GABRR2: variants seen among roughly 807,000 people sequenced by gnomAD.
The protein encoded by GABRR2 is gamma-aminobutyric acid receptor subunit rho-2.
GABRR2 carries 36 observed loss-of-function variants against 47.0 expected under a neutral mutation model. The observed-to-expected ratio is 0.77, with a 90% CI of 0.59 to 1.01. The LOEUF (loss-of-function observed/expected upper bound fraction) is 1.01. Ranked by LOEUF, GABRR2 falls within the 50% of genes least tolerant of loss-of-function variation. GABRR2 has a pLI of 0.00. For missense variants in GABRR2, 587 were observed against 594.6 expected (o/e 0.99, Z 0.13); for synonymous variants, 204 against 227.5 (o/e 0.90, Z 0.93).
intron 6 of GABRR2, among the ~76,000 whole-genome samples, chr6:89,266,765 A>G (rs1057257596): frequency 1.2e-4 from 18 of 152,182 alleles, no homozygotes; most frequent in Non-Finnish European, 1.5e-5. Context: ...CCATTACACA[A>G]TAACTCTCCA....
At chr6:89,275,458 G>A (rs935399806) in intron 2 of GABRR2, among the ~76,000 whole-genome samples, 10 of 152,120 alleles carry the variant, frequency 6.6e-5, no homozygotes, top group Admixed American at 1.3e-4. Flanking sequence ...AGTTTTAGTA[G>A]AGATGGAGTT....
intron 8 of GABRR2, among the ~76,000 whole-genome samples, chr6:89,261,608 A>C (rs1461971221): frequency 1.3e-5 from 2 of 152,242 alleles, no homozygotes; most frequent in African/African-American, 4.8e-5. Context: ...AATTACAAAC[A>C]GTACCTAAGG....
chr6:89,299,987 G>T lies in GABRR2; in HGVS notation c.114-122C>A, dbSNP rs1774638783. The T allele has an allele frequency of 7.6e-6, 5 of 660,046 alleles. No individual in the cohort carries two copies. In the South Asian group the frequency reaches 8.7e-5, roughly 12 times the overall value. 40.9% of individuals were successfully genotyped at this position (660,046 alleles called of 1,614,324 possible). On this transcript the variant is annotated intron_variant, in intron 1 of 8. Transcript: ENST00000402938. ...TACCTTTTCTCCATTCTACTTCTTGGCCCAGGGGAGAAGGAGGGCTGAAGG... is the reference window on the plus strand; with the variant it reads ...TACCTTTTCTCCATTCTACTTCTTGTCCCAGGGGAGAAGGAGGGCTGAAGG...
intron 8 of GABRR2, among the ~76,000 whole-genome samples, chr6:89,262,595 A>G (rs553993168): frequency 6.6e-6 from 1 of 152,322 alleles, no homozygotes; most frequent in South Asian, 2.1e-4. Context: ...ATGTGGAAAT[A>G]CTTGATAGGT....
At position 89,254,978 on chromosome 6, in the gene GABRR2, C is replaced by T. The variant is rs1773572606; in HGVS notation, c.*2692G>A. On this transcript the variant is annotated 3_prime_UTR_variant, in exon 9 of 9. Transcript: ENST00000402938. ...ATAAATATTTGTTTTAATTTGTGAA[C>T]AGGCAACTATGTTATATGAGCCATA... Among the ~76,000 whole-genome samples the T allele has an allele frequency of 6.6e-6, 1 of 152,128 alleles. No individual in the cohort carries two copies. The highest frequency in any genetic ancestry group is 2.1e-4 in the South Asian group (1 of 4,826).
chr6:89,297,809 C>T lies in GABRR2; in HGVS notation c.220+1950G>A, dbSNP rs370747655. Among the ~76,000 whole-genome samples the T allele has an allele frequency of 7.6e-4, 115 of 152,114 alleles. 2 individuals are homozygous for T. The highest frequency in any genetic ancestry group is 2.6e-3 in the African/African-American group (108 of 41,492). ...CAGAGGTTGCAGTGAGCTGAGATTG[C>T]GCCTCTGCACTCCAGCCTAGGTGAC... is the stretch of plus-strand genomic sequence containing the variant. On this transcript the variant is annotated intron_variant, in intron 2 of 8. Coordinates refer to ENST00000402938, the MANE Select transcript of GABRR2 (RefSeq NM_002043.5).
At chr6:89,306,236 G>C (rs553891288) in intron 1 of GABRR2, among the ~76,000 whole-genome samples, 2 of 152,016 alleles carry the variant, frequency 1.3e-5, no homozygotes, top group Admixed American at 6.6e-5. Context: ...TAATAACCAA[G>C]TGTGATGGCA....
intron 1 of GABRR2, among the ~76,000 whole-genome samples, chr6:89,307,984 T>G (rs1286853293): frequency 6.6e-6 from 1 of 151,958 alleles, no homozygotes; most frequent in Non-Finnish European, 1.5e-5. Flanking sequence ...ACCCAGCTAA[T>G]TTTTGTATTT....
At chr6:89,298,193 T>C (rs1444634800) in intron 2 of GABRR2, among the ~76,000 whole-genome samples, 3 of 152,186 alleles carry the variant, frequency 2.0e-5, no homozygotes, top group Admixed American at 1.3e-4. Context: ...ATCTGCCACC[T>C]GCTTTTCTCC....
At chr6:89,286,617 T>C (rs58467611) in intron 2 of GABRR2, among the ~76,000 whole-genome samples, 1,901 of 150,150 alleles carry the variant, frequency 0.013, 28 homozygotes, top group African/African-American at 0.039. Context: ...GACCCAGCCC[T>C]GCCCCACTGC....
intron 2 of GABRR2, among the ~76,000 whole-genome samples, chr6:89,297,403 C>G (rs202165089): frequency 1.3e-5 from 2 of 152,156 alleles, no homozygotes; most frequent in Middle Eastern, 3.2e-3. Flanking sequence ...CTCAGCTGAC[C>G]TGGGACATTT....
At chr6:89,259,163 G>T (rs903568659) in intron 8 of GABRR2, among the ~76,000 whole-genome samples, 1 of 152,050 alleles carries the variant, frequency 6.6e-6, no homozygotes, top group African/African-American at 2.4e-5. Context: ...CTGAGAGCAG[G>T]AGGCCCACTT....
rs1217528381 is a variant in GABRR2 at position 89,271,726 on chromosome 6, C to A, written c.221-4G>T. The A allele has an allele frequency of 6.2e-7, 1 of 1,610,396 alleles. No individual in the cohort carries two copies. Among genetic ancestry groups the A allele is most frequent in the Non-Finnish European group, 8.5e-7 (1 of 1,178,346 alleles). On this transcript the variant is annotated splice_polypyrimidine_tract_variant and splice_region_variant and intron_variant, in intron 2 of 8. Transcript: ENST00000402938. ...ACGCCCACCGGGATGGCAGGGCCTG[C>A]AGAAGAGCAGAGACAGCTGGTTAAG...
intron 8 of GABRR2, among the ~76,000 whole-genome samples, chr6:89,262,785 T>C (rs997366829): frequency 6.6e-6 from 1 of 152,246 alleles, no homozygotes; most frequent in African/African-American, 2.4e-5. Context: ...GAGATTTTCA[T>C]GTCCCTTTAT....
chr6:89,268,911 C>A, intron 4 of GABRR2, 100 bp downstream of exon 4: 1 of 1,053,048 alleles, frequency 9.5e-7, no homozygotes, highest in South Asian at 1.4e-5. Flanking sequence ...ATCCACGAAC[C>A]CACAGACCCA....
chr6:89,301,939 G>C lies in GABRR2; in HGVS notation c.114-2074C>G, dbSNP rs904730454. 181 of 985,432 alleles carry C rather than the reference G, an allele frequency of 1.8e-4. No homozygotes were observed. In the African/African-American group the frequency reaches 2.5e-3, roughly 14 times the overall value. The allele number at this position is 985,432 out of a possible 1,614,324, so 61.0% of individuals were successfully genotyped here. Reference sequence around the variant, plus strand: ...GGAGCAGATCAGCATCTACTACAACGAGGCCTCTTCTCATAAGTATGTGCC... The same window carrying C: ...GGAGCAGATCAGCATCTACTACAACCAGGCCTCTTCTCATAAGTATGTGCC... On this transcript the variant is annotated intron_variant, in intron 1 of 8. Coordinates refer to ENST00000402938, the MANE Select transcript of GABRR2 (RefSeq NM_002043.5).
At chr6:89,274,556 T>C (rs1449215263) in intron 2 of GABRR2, among the ~76,000 whole-genome samples, 1 of 152,114 alleles carries the variant, frequency 6.6e-6, no homozygotes, top group Non-Finnish European at 1.5e-5. Context: ...AACACTGCTG[T>C]AGGGTTTTCT....
rs1270820674 is a variant in GABRR2, at chr6:89,302,230, C to T, written c.114-2365G>A. On this transcript the variant is annotated intron_variant, in intron 1 of 8. Coordinates refer to ENST00000402938, the MANE Select transcript of GABRR2 (RefSeq NM_002043.5). ...CAAGCTCGGGTATGGGCACGCTGCT[C>T]ATCAGCAAGATGCATGAGGAGTATC... is the stretch of plus-strand genomic sequence containing the variant. 8.7e-6 allele frequency: 5 copies of T among 571,920 alleles called. No individual in the cohort carries two copies. In the East Asian group the frequency reaches 1.8e-4, roughly 20 times the overall value. The allele number at this position is 571,920 out of a possible 1,614,324, so 35.4% of individuals were successfully genotyped here. A position where few individuals can be genotyped will look rare whatever the true frequency, so the allele number is the denominator to read the frequency against.
chr6:89,280,881 T>C (rs990963683), intron 2 of GABRR2, among the ~76,000 whole-genome samples: 1 of 152,264 alleles, frequency 6.6e-6, no homozygotes, highest in African/African-American at 2.4e-5. Context: ...CAGCAAGGAT[T>C]TTCCCAAGGA....
Sources: gnomAD v4.1 joint callset for allele counts (sites outside exome capture counted in the v4.1 genomes callset) on GRCh38, gnomAD v4.1.1 for gene constraint, MANE v1.5 for transcripts, NCBI Gene and HGNC (gene_info 2026-07-23, HGNC 2026-07-21) for gene names.